Variants in KRT33A observed in about 807,000 individuals in gnomAD.
KRT33A encodes the protein keratin, type I cuticular Ha3-I.
KRT33A carries 44 observed loss-of-function variants against 41.1 expected under a neutral mutation model. The observed-to-expected ratio is 1.07, with a 90% CI of 0.84 to 1.38. The LOEUF is 1.38. KRT33A is among the 40% of genes most tolerant of loss of function. The pLI, the probability that KRT33A is intolerant of heterozygous loss-of-function variation, is 0.00. For synonymous variants in KRT33A, 229 were observed against 227.8 expected (o/e 1.01, Z -0.05); for missense variants, 536 against 518.5 (o/e 1.03, Z -0.33).
chr17:41,347,056 C>T lies in KRT33A; in HGVS notation c.750+5G>A. On this transcript the variant is annotated splice_donor_5th_base_variant and intron_variant, in intron 4 of 6. Coordinates refer to ENST00000007735, the MANE Select transcript of KRT33A (RefSeq NM_004138.4). Reference sequence around the variant, plus strand: ...TCCTGAGTGGCCACGTGCTTAGATGCCCACCTGCGTGGCGAACCATTGCTC... The same window carrying T: ...TCCTGAGTGGCCACGTGCTTAGATGTCCACCTGCGTGGCGAACCATTGCTC... The T allele has an allele frequency of 1.2e-6, 2 of 1,612,780 alleles. No homozygotes were observed. Among genetic ancestry groups the T allele is most frequent in the Non-Finnish European group, 1.7e-6 (2 of 1,179,188 alleles).
In KRT33A at chr17:41,346,170, A is replaced by T. The variant is rs140430944; in HGVS notation, c.1164T>A (p.Asn388Lys). Residue 388 changes from asparagine (N) to lysine (K), a missense_variant, in exon 7 of 7, where the codon AAT becomes AAA. Transcript: ENST00000007735. Reference protein sequence around the residue: ...CDKSTGPCISNPCGLRARCGP... With the variant: ...CDKSTGPCISKPCGLRARCGP... Reference sequence around the variant, plus strand: ...CACACCGAGCACGTAGGCCACAGGGATTAGAGATACAGGGCCCAGTGGACT... The same window carrying T: ...CACACCGAGCACGTAGGCCACAGGGTTTAGAGATACAGGGCCCAGTGGACT... 1,330 of 1,614,154 alleles carry T rather than the reference A, an allele frequency of 8.2e-4. 8 individuals are homozygous for T. The African/African-American group carries it at 0.015, about 19-fold the overall frequency.
In KRT33A at chr17:41,350,750, G is replaced by T. The variant is rs368692539; in HGVS notation, c.18C>A (p.Gly6=). The part of the protein sequence containing the change: MSYSC[G]LPSLSCRTSC... Reference sequence around the variant, plus strand: ...TGGTGCGGCAGCTCAGGCTGGGCAGGCCACAACTGTAAGACATGGTGCAGG... The same window carrying T: ...TGGTGCGGCAGCTCAGGCTGGGCAGTCCACAACTGTAAGACATGGTGCAGG... The change falls in exon 1 of 7, where the codon GGC becomes GGA. Residue 6 remains glycine (G), a synonymous_variant. Transcript: ENST00000007735. 6.8e-6 allele frequency: 11 copies of T among 1,611,706 alleles called. No individual in the cohort carries two copies. The highest frequency in any genetic ancestry group is 7.6e-6 in the Non-Finnish European group (9 of 1,179,494).
Position 41,350,725 on chromosome 17 carries a change from T to C in KRT33A, c.43A>G (p.Ser15Gly). 1 of 1,611,950 alleles carries C rather than the reference T, an allele frequency of 6.2e-7. No homozygotes were observed. Reference protein sequence around the residue: ...CGLPSLSCRTSCSSRPCVPPS... With the variant: ...CGLPSLSCRTGCSSRPCVPPS... Reference sequence around the variant, plus strand: ...GGCACACAGGGCCGGGAGGAGCAGCTGGTGCGGCAGCTCAGGCTGGGCAGG... The same window carrying C: ...GGCACACAGGGCCGGGAGGAGCAGCCGGTGCGGCAGCTCAGGCTGGGCAGG... Residue 15 changes from serine (S) to glycine (G), a missense_variant, in exon 1 of 7, where the codon AGC (serine) becomes GGC (glycine). Coordinates refer to ENST00000007735, the MANE Select transcript of KRT33A (RefSeq NM_004138.4).
intron 1 of KRT33A, among the ~76,000 whole-genome samples, chr17:41,349,631 TC>T (rs2017476420): frequency 6.6e-6 from 1 of 152,030 alleles, no homozygotes; most frequent in South Asian, 2.1e-4. Context: ...AAGTAGATAA[TC>T]TTTTTTCTAT....
In KRT33A at chr17:41,346,642, T is replaced by C. The variant is rs770871299; in HGVS notation, c.903A>G (p.Thr301=). The C allele has an allele frequency of 1.9e-6, 3 of 1,614,128 alleles. No individual in the cohort carries two copies. In the African/African-American group the frequency reaches 4.0e-5, roughly 22 times the overall value. Residue 301 remains threonine, a synonymous_variant, in exon 6 of 7, where the codon ACA becomes ACG. Transcript: ENST00000007735. The stretch of plus-strand genomic sequence containing the variant: ...GGGAGCTGTAGCGGGCCTCGCTCTC[T>C]GTCAGCGTGTTTTCCAGAGAGTCTC... ...NLRDSLENTL[T]ESEARYSSQL... is the part of the protein sequence containing the mutation.
Position 41,346,435 on chromosome 17 carries a change from C to G in KRT33A, c.1097+13G>C, listed in dbSNP as rs367970848. 2 of 1,613,922 alleles carry G rather than the reference C, an allele frequency of 1.2e-6. No individual in the cohort carries two copies. The highest frequency in any genetic ancestry group is 2.2e-5 in the East Asian group (1 of 44,886). ...ACATGCCCCAAGGAGAAGATTACTA[C>G]CCCCATACTGACTTGCAGTCCTCGC... On this transcript the variant is annotated intron_variant, in intron 6 of 6. Transcript: ENST00000007735.
intron 2 of KRT33A, 25 bp from the exon 3 acceptor site, chr17:41,348,664 C>T (rs201691091): frequency 3.1e-6 from 5 of 1,612,744 alleles, no homozygotes; most frequent in Non-Finnish European, 3.4e-6. Context: ...GGGTCAGGAA[C>T]AGGCTGGGCA....
In KRT33A at chr17:41,346,664, T is replaced by C; in HGVS notation, c.881A>G (p.Asp294Gly). The stretch of plus-strand genomic sequence containing the variant: ...CTCTGTCAGCGTGTTTTCCAGAGAG[T>C]CTCGCTGTGGTGGGGAAGATTGAGA... ...IELQAQHNLR[D>G]SLENTLTESE... is the part of the protein sequence containing the mutation. Residue 294 changes from aspartate (D) to glycine (G), a missense_variant, in exon 6 of 7, where the codon GAC becomes GGC. Asp to Gly is a moderately conservative substitution (Grantham distance 94). Transcript: ENST00000007735. 6.2e-7 allele frequency: 1 copy of C among 1,613,994 alleles called. No homozygotes were observed. Among genetic ancestry groups the C allele is most frequent in the Non-Finnish European group, 8.5e-7 (1 of 1,179,988 alleles).
intron 5 of KRT33A, 83 bp downstream of exon 5, chr17:41,346,761 G>A (rs1000679215): frequency 3.2e-4 from 520 of 1,609,192 alleles, no homozygotes; most frequent in Middle Eastern, 3.6e-4. Context: ...AAGAGCTAAG[G>A]AGAGTGTGTG....
chr17:41,349,222 T>C (rs2017468815), intron 2 of KRT33A, 124 bp downstream of exon 2: 1 of 917,510 alleles, frequency 1.1e-6, no homozygotes, highest in Non-Finnish European at 1.7e-6. Flanking sequence ...TCTGTGAATC[T>C]TGGAGAAAGC....
Position 41,347,189 on chromosome 17 carries a change from G to T in KRT33A, c.622C>A (p.Arg208Ser), listed in dbSNP as rs754527074. Residue 208 changes from arginine to serine, a missense_variant, in exon 4 of 7, where the codon CGC becomes AGC. Coordinates refer to ENST00000007735, the MANE Select transcript of KRT33A (RefSeq NM_004138.4). ...GCAGCGTCCACCTCCACGTTGAGGC[G>T]GTCTCCAAGCTGGCAGCGCAGGGTG... is the stretch of plus-strand genomic sequence containing the variant. ...VNTLRCQLGD[R>S]LNVEVDAAPT... 7 of 1,612,772 alleles carry T rather than the reference G, an allele frequency of 4.3e-6. No individual in the cohort carries two copies. The highest frequency in any genetic ancestry group is 2.2e-5 in the East Asian group (1 of 44,888).
In KRT33A at chr17:41,348,505, C is replaced by T. The variant is rs1412451216; in HGVS notation, c.566G>A (p.Cys189Tyr). 3 of 1,614,088 alleles carry T rather than the reference C, an allele frequency of 1.9e-6. No individual in the cohort carries two copies. Among genetic ancestry groups the T allele is most frequent in the Non-Finnish European group, 2.5e-6 (3 of 1,180,030 alleles). ...QVESLKEELL[C>Y]LKQNHEQEVN... The stretch of plus-strand genomic sequence containing the variant: ...CACCTGCTCATGGTTCTGCTTGAGG[C>T]ACAGCAGCTCCTCCTTCAGGGACTC... Residue 189 changes from cysteine (C) to tyrosine (Y), a missense_variant, in exon 3 of 7, where the codon TGC becomes TAC. Transcript: ENST00000007735.
chr17:41,346,793 C>T lies in KRT33A; in HGVS notation c.876+51G>A, dbSNP rs368816080. 149 of 1,608,922 alleles carry T rather than the reference C, an allele frequency of 9.3e-5. No individual in the cohort carries two copies. In the African/African-American group the frequency reaches 1.9e-3, roughly 20 times the overall value. On this transcript the variant is annotated intron_variant, in intron 5 of 6. Coordinates refer to ENST00000007735, the MANE Select transcript of KRT33A (RefSeq NM_004138.4). ...TGTGGCCCCAAGGGCATCCCCAAGA[C>T]TCTGCCTCCCAAGTTCCCATCGCTC...
chr17:41,348,607 A>T lies in KRT33A; in HGVS notation c.464T>A (p.Val155Glu). ...YETELSLRQL[V>E]ESDINGLRRI... is the part of the protein sequence containing the mutation. The stretch of plus-strand genomic sequence containing the variant: ...GCGCAGGCCATTGATGTCCGACTCC[A>T]CCAGCTGCCGCAGGGACAGCTCGGT... The change falls in exon 3 of 7, where the codon GTG becomes GAG. Residue 155 changes from valine (V) to glutamate (E), a missense_variant. Physicochemically the swap from Val to Glu is moderately radical, Grantham distance 121 (BLOSUM62 -2). Transcript: ENST00000007735. 1 of 1,614,022 alleles carries T rather than the reference A, an allele frequency of 6.2e-7. No individual in the cohort carries two copies. The highest frequency in any genetic ancestry group is 8.5e-7 in the Non-Finnish European group (1 of 1,180,002).
Position 41,350,419 on chromosome 17 carries a change from C to T in KRT33A, c.348+1G>A, listed in dbSNP as rs753070534. 3.1e-6 allele frequency: 5 copies of T among 1,613,152 alleles called. No homozygotes were observed. Among genetic ancestry groups the T allele is most frequent in the Non-Finnish European group, 3.4e-6 (4 of 1,179,224 alleles). ...GAGGCACTGTGTCGCCCACTCCTCA[C>T]CTTCTGCTGGAGCTCCTCAATGGTC... On this transcript the variant is annotated splice_donor_variant, in intron 1 of 6. Transcript: ENST00000007735. LOFTEE classifies it high-confidence loss of function.
rs769976366 is a variant in KRT33A at position 41,350,616 on chromosome 17, G to A, written c.152C>T (p.Ser51Phe). The part of the protein sequence containing the change: ...VSNCNWFCEG[S>F]FNGSEKETMQ... ...GGTCTCCTTCTCACTGCCATTGAAG[G>A]AGCCCTCACAGAACCAGTTGCAGTT... is the stretch of plus-strand genomic sequence containing the variant. Residue 51 changes from serine to phenylalanine, a missense_variant, in exon 1 of 7, where the codon TCC becomes TTC. By Grantham distance (155) the Ser-to-Phe change is radical (BLOSUM62 -2). Coordinates refer to ENST00000007735, the MANE Select transcript of KRT33A (RefSeq NM_004138.4). The A allele has an allele frequency of 1.9e-5, 31 of 1,612,756 alleles. No homozygotes were observed. The highest frequency in any genetic ancestry group is 3.3e-5 in the Admixed American group (2 of 59,976).
At chr17:41,347,023 G>A (rs1401774608) in intron 4 of KRT33A, 38 bp downstream of exon 4, 4 of 1,611,494 alleles carry the variant, frequency 2.5e-6, no homozygotes, top group South Asian at 2.2e-5. Context: ...GCCCTGGGGG[G>A]CCTCGGGTCC....
chr17:41,349,327 A>ACC lies in KRT33A; in HGVS notation c.431+17_431+18dup. 1 of 1,612,058 alleles carries ACC rather than the reference A, an allele frequency of 6.2e-7. No individual in the cohort carries two copies. Among genetic ancestry groups the ACC allele is most frequent in the Non-Finnish European group, 8.5e-7 (1 of 1,178,624 alleles). On this transcript the variant is annotated intron_variant, in intron 2 of 6. Coordinates refer to ENST00000007735, the MANE Select transcript of KRT33A (RefSeq NM_004138.4). ...CCAGAGAAGAGAAATAAACAGCAAC[A>ACC]CCCCGCTTGCCCACTCACTTGGTCC...
At position 41,346,945 on chromosome 17, in the gene KRT33A, C is replaced by T. The variant is rs748428590; in HGVS notation, c.775G>A (p.Val259Ile). 8 of 1,613,474 alleles carry T rather than the reference C, an allele frequency of 5.0e-6. No homozygotes were observed. The African/African-American group carries it at 8.0e-5, about 16-fold the overall frequency. Reference sequence around the variant, plus strand: ...GACTGCAGCTGCTCCGAGCTGGATACCACCTGCTTGTTCAGCTCCTCGGTC... The same window carrying T: ...GACTGCAGCTGCTCCGAGCTGGATATCACCTGCTTGTTCAGCTCCTCGGTC... ...TQTEELNKQV[V>I]SSSEQLQSYQ... The change falls in exon 5 of 7, where the codon GTA (valine) becomes ATA (isoleucine). Residue 259 changes from valine (V) to isoleucine (I), a missense_variant. Val to Ile is a conservative substitution (Grantham distance 29). Transcript: ENST00000007735.
Sources: allele counts gnomAD v4.1 joint callset (sites outside exome capture counted in the v4.1 genomes callset), GRCh38; gene constraint gnomAD v4.1.1; transcripts MANE v1.5; gene names NCBI Gene and HGNC (gene_info 2026-07-23, HGNC 2026-07-21).